The following AGPAT4 variants were observed in gnomAD, a reference collection of about 807,000 sequenced individuals.
The protein encoded by AGPAT4 is 1-acyl-sn-glycerol-3-phosphate acyltransferase delta.
Under a neutral mutation model 48.0 loss-of-function variants are expected in AGPAT4, and 15 were observed. That is an observed-to-expected ratio of 0.31 (90% CI 0.21 to 0.48). The LOEUF (loss-of-function observed/expected upper bound fraction) is 0.48, where lower values mean the gene tolerates loss of function less well. AGPAT4 is among the 20% of genes least tolerant of loss of function. The pLI is 0.99. For missense variants in AGPAT4, 314 were observed against 482.5 expected, an observed-to-expected ratio of 0.65 and a Z score of 3.27; for synonymous variants, 178 against 198.7, an observed-to-expected ratio of 0.90 and a Z score of 0.88.
At position 161,223,101 on chromosome 6, in the gene AGPAT4, C is replaced by T. The variant is rs1248249198; in HGVS notation, c.178+8935G>A. Among the ~76,000 whole-genome samples the T allele has an allele frequency of 6.6e-6, 1 of 152,172 alleles. No individual in the cohort carries two copies. The highest frequency in any genetic ancestry group is 2.4e-5 in the African/African-American group (1 of 41,438). On this transcript the variant is annotated intron_variant, in intron 2 of 8. Transcript: ENST00000320285. The surrounding 1 kb of genome is among the most constrained non-coding windows in gnomAD (Gnocchi z 6.3). The stretch of plus-strand genomic sequence containing the variant: ...ACTCCCTGTGTACCTCCAGTCTAAT[C>T]ATCAACTCACTGCTCTACCATGCTG...
rs1347342173 is a variant in AGPAT4 at position 161,147,456 on chromosome 6, AC to A, written c.768-858del. ...TGCATCTGGCTTGATTTCTCAGGTC[AC>A]TTCACTCCCTTCTATGGCCTAAGAA... On this transcript the variant is annotated intron_variant, in intron 6 of 8. Coordinates refer to ENST00000320285, the MANE Select transcript of AGPAT4 (RefSeq NM_020133.3). The surrounding 1 kb of genome is among the most constrained non-coding windows in gnomAD (Gnocchi z 4.8). Among the ~76,000 whole-genome samples the A allele has an allele frequency of 6.6e-6, 1 of 152,164 alleles. No homozygotes were observed. Among genetic ancestry groups the A allele is most frequent in the Non-Finnish European group, 1.5e-5 (1 of 68,032 alleles).
chr6:161,192,613 T>C (rs545801833), intron 2 of AGPAT4, among the ~76,000 whole-genome samples: 98 of 152,344 alleles, frequency 6.4e-4, no homozygotes, highest in African/African-American at 2.3e-3. Flanking sequence ...CCTTTTTTTC[T>C]CTTCTTTCAT....
chr6:161,226,846 T>C lies in AGPAT4; in HGVS notation c.178+5190A>G, dbSNP rs1781995379. Among the ~76,000 whole-genome samples, 1 of 151,812 alleles carries C rather than the reference T, an allele frequency of 6.6e-6. No homozygotes were observed. Among genetic ancestry groups the C allele is most frequent in the African/African-American group, 2.4e-5 (1 of 41,296 alleles). On this transcript the variant is annotated intron_variant, in intron 2 of 8. Transcript: ENST00000320285. The surrounding 1 kb of genome is among the most constrained non-coding windows in gnomAD (Gnocchi z 6.3). Reference sequence around the variant, plus strand: ...CCCCAGCCCAGCAATGACAGCAAAATGAAAGTGCTGGCCCAGCACCCACAG... The same window carrying C: ...CCCCAGCCCAGCAATGACAGCAAAACGAAAGTGCTGGCCCAGCACCCACAG...
rs548076855 is a variant in AGPAT4, at chr6:161,156,110, G to T, written c.349-1800C>A. On this transcript the variant is annotated intron_variant, in intron 3 of 8. Coordinates refer to ENST00000320285, the MANE Select transcript of AGPAT4 (RefSeq NM_020133.3). Reference sequence around the variant, plus strand: ...TGCGGCTTATCTAGACCCGTAGATGGTCACCTGGGATGGGAGTCTCTATCT... The same window carrying T: ...TGCGGCTTATCTAGACCCGTAGATGTTCACCTGGGATGGGAGTCTCTATCT... Among the ~76,000 whole-genome samples the T allele has an allele frequency of 2.6e-4, 39 of 152,370 alleles. No homozygotes were observed. The South Asian group carries it at 7.5e-3, about 29-fold the overall frequency.
In AGPAT4 at chr6:161,171,846, G is replaced by A. The variant is rs1262488200; in HGVS notation, c.179-5429C>T. 6.6e-6 allele frequency among the ~76,000 whole-genome samples: 1 copy of A among 152,182 alleles called. No individual in the cohort carries two copies. The highest frequency in any genetic ancestry group is 1.9e-4 in the East Asian group (1 of 5,202). On this transcript the variant is annotated intron_variant, in intron 2 of 8. Coordinates refer to ENST00000320285, the MANE Select transcript of AGPAT4 (RefSeq NM_020133.3). This position sits in a 1 kb window ranked among gnomAD's most constrained non-coding sequence, Gnocchi z 4.4. ...ACCCAGGAGGCTGCACTTGCAGTGA[G>A]CCAAGATCGCACCACTGCACTCCAG...
rs1456751451 is a variant in AGPAT4, at chr6:161,208,932, A to T, written c.178+23104T>A. ...AGAACTACCATTGGGGAACACAAGC[A>T]AACCCACACCAGAAAGAGTCCCTAA... is the stretch of plus-strand genomic sequence containing the variant. On this transcript the variant is annotated intron_variant, in intron 2 of 8. Coordinates refer to ENST00000320285, the MANE Select transcript of AGPAT4 (RefSeq NM_020133.3). This position sits in a 1 kb window ranked among gnomAD's most constrained non-coding sequence, Gnocchi z 4.6. Among the ~76,000 whole-genome samples, 2 of 152,230 alleles carry T rather than the reference A, an allele frequency of 1.3e-5. No individual in the cohort carries two copies. Among genetic ancestry groups the T allele is most frequent in the Non-Finnish European group, 2.9e-5 (2 of 68,040 alleles).
intron 1 of AGPAT4, among the ~76,000 whole-genome samples, chr6:161,252,166 T>G (rs1304993208): frequency 1.3e-5 from 2 of 152,174 alleles, no homozygotes; most frequent in Non-Finnish European, 2.9e-5. Context: ...ACCACCTTCC[T>G]TTGACAAAAC....
At position 161,132,975 on chromosome 6, in the gene AGPAT4, A is replaced by G. The variant is rs1372892295; in HGVS notation, c.*3565T>C. 6.6e-6 allele frequency: 1 copy of G among 152,226 alleles called. No individual in the cohort carries two copies. Among genetic ancestry groups the G allele is most frequent in the Non-Finnish European group, 1.5e-5 (1 of 68,042 alleles). The allele number at this position is 152,226 out of a possible 1,614,324, so 9.4% of individuals were successfully genotyped here. A position where few individuals can be genotyped will look rare whatever the true frequency, so the allele number is the denominator to read the frequency against. Reference sequence around the variant, plus strand: ...TCCTCCATACAGCCTAGGGCCCCTCAAGAGACGTGCAAACCAAAGTATTTG... The same window carrying G: ...TCCTCCATACAGCCTAGGGCCCCTCGAGAGACGTGCAAACCAAAGTATTTG... On this transcript the variant is annotated 3_prime_UTR_variant, in exon 9 of 9. Transcript: ENST00000320285.
In AGPAT4 at chr6:161,178,445, A is replaced by G. The variant is rs1286386742; in HGVS notation, c.179-12028T>C. On this transcript the variant is annotated intron_variant, in intron 2 of 8. Coordinates refer to ENST00000320285, the MANE Select transcript of AGPAT4 (RefSeq NM_020133.3). This position sits in a 1 kb window ranked among gnomAD's most constrained non-coding sequence, Gnocchi z 5.1. The stretch of plus-strand genomic sequence containing the variant: ...ACCCTCTGAGCCAGACACGGGATAT[A>G]ATCTCCTGGTGTGCCATTTGCTAAG... 6.6e-6 allele frequency among the ~76,000 whole-genome samples: 1 copy of G among 152,218 alleles called. No individual in the cohort carries two copies. Among genetic ancestry groups the G allele is most frequent in the African/African-American group, 2.4e-5 (1 of 41,466 alleles).
At position 161,219,887 on chromosome 6, in the gene AGPAT4, G is replaced by A. The variant is rs1196343830; in HGVS notation, c.178+12149C>T. 1.2e-3 allele frequency among the ~76,000 whole-genome samples: 167 copies of A among 135,836 alleles called. 1 individual carries two copies. Among genetic ancestry groups the A allele is most frequent in the African/African-American group, 4.3e-3 (140 of 32,756 alleles). The allele number at this position is 135,836 out of a possible 152,430, so 89.1% of individuals were successfully genotyped here. ...GATAGATAGATAGGCAGGCAGGCAGGCAGGCAGGCAGGCAGGCAGGCAGGC... is the reference window on the plus strand; with the variant it reads ...GATAGATAGATAGGCAGGCAGGCAGACAGGCAGGCAGGCAGGCAGGCAGGC... On this transcript the variant is annotated intron_variant, in intron 2 of 8. Coordinates refer to ENST00000320285, the MANE Select transcript of AGPAT4 (RefSeq NM_020133.3). This position sits in a 1 kb window ranked among gnomAD's most constrained non-coding sequence, Gnocchi z 4.9.
At chr6:161,205,972 G>A (rs1303855036) in intron 2 of AGPAT4, among the ~76,000 whole-genome samples, 3 of 152,102 alleles carry the variant, frequency 2.0e-5, no homozygotes, top group Non-Finnish European at 4.4e-5. Context: ...GAAAGGTGGA[G>A]AGAAGAAGGC....
Position 161,202,511 on chromosome 6 carries a change from C to A in AGPAT4, c.178+29525G>T, listed in dbSNP as rs531573322. Among the ~76,000 whole-genome samples the A allele has an allele frequency of 1.3e-5, 2 of 152,064 alleles. No individual in the cohort carries two copies. Among genetic ancestry groups the A allele is most frequent in the Non-Finnish European group, 2.9e-5 (2 of 68,018 alleles). ...AGTTGAAGAGAAGAGAGTTACTAGCCCGCACTCAGGAGTTAGGGAAATGGG... is the reference window on the plus strand; with the variant it reads ...AGTTGAAGAGAAGAGAGTTACTAGCACGCACTCAGGAGTTAGGGAAATGGG... On this transcript the variant is annotated intron_variant, in intron 2 of 8. Coordinates refer to ENST00000320285, the MANE Select transcript of AGPAT4 (RefSeq NM_020133.3). This position sits in a 1 kb window ranked among gnomAD's most constrained non-coding sequence, Gnocchi z 5.4.
intron 2 of AGPAT4, among the ~76,000 whole-genome samples, chr6:161,213,376 T>C (rs1387382730): frequency 6.6e-6 from 1 of 152,254 alleles, no homozygotes; most frequent in Non-Finnish European, 1.5e-5. Flanking sequence ...AGAATAATTA[T>C]GCTTCAAAAC....
In AGPAT4 at chr6:161,266,995, C is replaced by T. The variant is rs1047180134; in HGVS notation, c.-90+6943G>A. Among the ~76,000 whole-genome samples, 3 of 152,152 alleles carry T rather than the reference C, an allele frequency of 2.0e-5. No homozygotes were observed. The highest frequency in any genetic ancestry group is 4.4e-5 in the Non-Finnish European group (3 of 68,030). On this transcript the variant is annotated intron_variant, in intron 1 of 8. Coordinates refer to ENST00000320285, the MANE Select transcript of AGPAT4 (RefSeq NM_020133.3). This position sits in a 1 kb window ranked among gnomAD's most constrained non-coding sequence, Gnocchi z 6.2. ...CAGATAATAATCTGCCTTTAAACCC[C>T]GTGGTGGATTTGTGGAAAGTCCACT...
At position 161,195,509 on chromosome 6, in the gene AGPAT4, A is replaced by C. The variant is rs557266109; in HGVS notation, c.179-29092T>G. ...GTTTGTACAGTAGCCAGAGATCTTT[A>C]AAAGCTCAAAGCGCTTCCTAGCGCA... is the stretch of plus-strand genomic sequence containing the variant. On this transcript the variant is annotated intron_variant, in intron 2 of 8. Coordinates refer to ENST00000320285, the MANE Select transcript of AGPAT4 (RefSeq NM_020133.3). The surrounding 1 kb of genome is among the most constrained non-coding windows in gnomAD (Gnocchi z 5.0). Among the ~76,000 whole-genome samples the C allele has an allele frequency of 9.2e-5, 14 of 152,232 alleles. No homozygotes were observed. The highest frequency in any genetic ancestry group is 1.9e-4 in the Non-Finnish European group (13 of 68,038).
In AGPAT4 at chr6:161,140,138, G is replaced by A. The variant is rs1043413582; in HGVS notation, c.844-518C>T. ...CCGGCCTCCACAGCCAGTTCACCTCGGGCAGCCCACCCGCACCTACCACCC... is the reference window on the plus strand; with the variant it reads ...CCGGCCTCCACAGCCAGTTCACCTCAGGCAGCCCACCCGCACCTACCACCC... On this transcript the variant is annotated intron_variant, in intron 7 of 8. Transcript: ENST00000320285. The surrounding 1 kb of genome is among the most constrained non-coding windows in gnomAD (Gnocchi z 6.5). Among the ~76,000 whole-genome samples the A allele has an allele frequency of 5.3e-5, 8 of 152,308 alleles. No homozygotes were observed. The highest frequency in any genetic ancestry group is 2.1e-4 in the South Asian group (1 of 4,816).
rs1378559743 is a variant in AGPAT4 at position 161,184,991 on chromosome 6, C to A, written c.179-18574G>T. Among the ~76,000 whole-genome samples the A allele has an allele frequency of 6.6e-6, 1 of 151,944 alleles. No individual in the cohort carries two copies. The highest frequency in any genetic ancestry group is 1.9e-4 in the East Asian group (1 of 5,174). ...CACACCCAGAGCACAGGAGGTTCTA[C>A]GAGGCAGTGCTGGGCTTTTCACAAA... is the stretch of plus-strand genomic sequence containing the variant. On this transcript the variant is annotated intron_variant, in intron 2 of 8. Transcript: ENST00000320285. The surrounding 1 kb of genome is among the most constrained non-coding windows in gnomAD (Gnocchi z 4.8).
At chr6:161,228,283 T>C (rs1782034877) in intron 2 of AGPAT4, among the ~76,000 whole-genome samples, 1 of 152,156 alleles carries the variant, frequency 6.6e-6, no homozygotes, top group South Asian at 2.1e-4. Flanking sequence ...GATGTGTAAT[T>C]TTGCAGGCTG....
In AGPAT4 at chr6:161,251,239, T is replaced by C. The variant is rs1782796683; in HGVS notation, c.-89-18937A>G. ...TTTTGGTTACAGTCCTCTGTGAAGA[T>C]TTAAATGGATTTCCAAATAGCTAAC... On this transcript the variant is annotated intron_variant, in intron 1 of 8. Coordinates refer to ENST00000320285, the MANE Select transcript of AGPAT4 (RefSeq NM_020133.3). The surrounding 1 kb of genome is among the most constrained non-coding windows in gnomAD (Gnocchi z 4.6). Among the ~76,000 whole-genome samples, 1 of 152,248 alleles carries C rather than the reference T, an allele frequency of 6.6e-6. No individual in the cohort carries two copies. The highest frequency in any genetic ancestry group is 6.5e-5 in the Admixed American group (1 of 15,290).
Sources: allele counts gnomAD v4.1 joint callset (sites outside exome capture counted in the v4.1 genomes callset), GRCh38; gene constraint gnomAD v4.1.1; non-coding constraint Gnocchi (gnomAD v3.1); transcripts MANE v1.5; gene names NCBI Gene and HGNC (gene_info 2026-07-23, HGNC 2026-07-21).